Variants in CD44 observed in about 807,000 individuals in gnomAD.
CD44 encodes CD44 molecule (IN blood group).
In CD44, 49 loss-of-function variants were observed where a neutral mutation model predicts 88.8. The observed-to-expected ratio is 0.55, with a 90% CI of 0.44 to 0.70. The LOEUF (loss-of-function observed/expected upper bound fraction) is 0.70. Ranked by LOEUF, CD44 falls within the 30% of genes least tolerant of loss-of-function variation. CD44 has a pLI of 0.00. For missense variants in CD44, 883 were observed against 913.8 expected, an observed-to-expected ratio of 0.97 and a Z score of 0.43; for synonymous variants, 325 against 312.3, an observed-to-expected ratio of 1.04 and a Z score of -0.43.
intron 15 of CD44, among the ~76,000 whole-genome samples, chr11:35,218,775 T>A (rs977682779): frequency 6.6e-6 from 1 of 152,176 alleles, no homozygotes; most frequent in Admixed American, 6.5e-5. Context: ...ATTCTGCATT[T>A]CTAGCGATCT....
At chr11:35,197,866 G>A (rs1946918357) in intron 6 of CD44, 1 of 398,166 alleles carries the variant, frequency 2.5e-6, no homozygotes, top group African/African-American at 2.0e-5. Flanking sequence ...CTTATATGGT[G>A]AGATTATGTC....
chr11:35,226,408 G>A (rs1000741250), intron 17 of CD44, among the ~76,000 whole-genome samples: 1 of 152,182 alleles, frequency 6.6e-6, no homozygotes, highest in African/African-American at 2.4e-5. Context: ...AGAACACAGG[G>A]GCCAGGGAAT....
intron 17 of CD44, among the ~76,000 whole-genome samples, chr11:35,226,524 T>G (rs1380282332): frequency 2.0e-5 from 3 of 152,204 alleles, no homozygotes; most frequent in Non-Finnish European, 4.4e-5. Context: ...CAAAATTCAT[T>G]TCATATGGCT....
In CD44 at chr11:35,189,952, AAAG is replaced by A; in HGVS notation, c.555_557del (p.Arg186del). On this transcript the variant is annotated inframe_deletion, in exon 5 of 18. Transcript: ENST00000428726. Reference sequence around the variant, plus strand: ...GACGTGAGCAGCGGCTCCTCCAGTGAAAGGAGCAGCACTTCAGGAGGTTACATC... The same window carrying A: ...GACGTGAGCAGCGGCTCCTCCAGTGAGAGCAGCACTTCAGGAGGTTACATC... 6.2e-7 allele frequency: 1 copy of A among 1,614,042 alleles called. No individual in the cohort carries two copies. Among genetic ancestry groups the A allele is most frequent in the Non-Finnish European group, 8.5e-7 (1 of 1,179,882 alleles).
chr11:35,213,574 C>T (rs1948586825), intron 14 of CD44: 1 of 152,192 alleles, frequency 6.6e-6, no homozygotes, highest in Non-Finnish European at 1.5e-5. Context: ...ATCACTTGAA[C>T]CCAGGAATTG....
intron 17 of CD44, chr11:35,223,142 T>C (rs1949439438): frequency 1.0e-6 from 1 of 985,280 alleles, no homozygotes; most frequent in Non-Finnish European, 1.2e-6. Context: ...CCTGATTGTA[T>C]AAGGAACAAA....
chr11:35,213,211 C>T (rs1012980337), intron 14 of CD44, among the ~76,000 whole-genome samples: 2 of 152,188 alleles, frequency 1.3e-5, no homozygotes, highest in Non-Finnish European at 2.9e-5. Context: ...ATGCTTTTTA[C>T]AAGACTGATA....
chr11:35,190,843 G>A (rs1243251741), intron 5 of CD44, among the ~76,000 whole-genome samples: 1 of 152,224 alleles, frequency 6.6e-6, no homozygotes, highest in African/African-American at 2.4e-5. Flanking sequence ...CTTACTTGGT[G>A]TGTGGGGGTA....
At chr11:35,180,881 TA>T (rs1465972982) in intron 3 of CD44, among the ~76,000 whole-genome samples, 1 of 152,126 alleles carries the variant, frequency 6.6e-6, no homozygotes, top group Non-Finnish European at 1.5e-5. Context: ...AAAAGTGCTA[TA>T]AAAAAGAAAG....
At chr11:35,173,275 G>T (rs1944105517) in intron 1 of CD44, among the ~76,000 whole-genome samples, 1 of 152,214 alleles carries the variant, frequency 6.6e-6, no homozygotes, top group Non-Finnish European at 1.5e-5. Flanking sequence ...TGATAGGAAT[G>T]CTTTGTTTTT....
chr11:35,228,152 A>C (rs1949838381), intron 17 of CD44, among the ~76,000 whole-genome samples: 1 of 152,220 alleles, frequency 6.6e-6, no homozygotes, highest in Admixed American at 6.5e-5. Context: ...GCATTGCATT[A>C]GGCTGGGTGG....
At chr11:35,165,046 G>T (rs145854928) in intron 1 of CD44, among the ~76,000 whole-genome samples, 1 of 152,152 alleles carries the variant, frequency 6.6e-6, no homozygotes, top group African/African-American at 2.4e-5. Context: ...GGGCTTTGTG[G>T]TGGGTGCCAG....
intron 6 of CD44, 83 bp from the exon 7 acceptor site, chr11:35,198,038 A>T: frequency 6.8e-7 from 1 of 1,464,568 alleles, no homozygotes. Flanking sequence ...GAAATCCATT[A>T]TACCTTCTGT....
At chr11:35,169,760 T>C (rs1943674883) in intron 1 of CD44, among the ~76,000 whole-genome samples, 1 of 152,234 alleles carries the variant, frequency 6.6e-6, no homozygotes, top group Non-Finnish European at 1.5e-5. Flanking sequence ...AGATCTATTT[T>C]CCTTGATCTG....
At chr11:35,186,743 A>G (rs1945718321) in intron 3 of CD44, 89 bp from the exon 4 acceptor site, 3 of 781,142 alleles carry the variant, frequency 3.8e-6, no homozygotes. Context: ...AAGTTATAGT[A>G]AAACTCCATT....
At chr11:35,148,260 A>G (rs896795446) in intron 1 of CD44, among the ~76,000 whole-genome samples, 1 of 152,198 alleles carries the variant, frequency 6.6e-6, no homozygotes, top group Non-Finnish European at 1.5e-5. Context: ...TCTGCTGAGT[A>G]TCCAGTCAAA....
At position 35,229,357 on chromosome 11, in the gene CD44, G is replaced by C. The variant is rs776791739; in HGVS notation, c.*24G>C. 6 of 1,490,734 alleles carry C rather than the reference G, an allele frequency of 4.0e-6. No homozygotes were observed. The Admixed American group carries it at 1.0e-4, about 25-fold the overall frequency. The allele number at this position is 1,490,734 out of a possible 1,614,324, so 92.3% of individuals were successfully genotyped here. A position where few individuals can be genotyped will look rare whatever the true frequency, so the allele number is the denominator to read the frequency against. ...AACACCTACACCATTATCTTGGAAA[G>C]AAACAACCGTTGGAAACATAACCAT... On this transcript the variant is annotated 3_prime_UTR_variant, in exon 18 of 18. Coordinates refer to ENST00000428726, the MANE Select transcript of CD44 (RefSeq NM_000610.4).
At chr11:35,167,123 C>A (rs555251983) in intron 1 of CD44, among the ~76,000 whole-genome samples, 2 of 152,184 alleles carry the variant, frequency 1.3e-5, no homozygotes, top group African/African-American at 2.4e-5. Context: ...ATGACTTCTT[C>A]GTGTCCTATT....
chr11:35,219,811 C>A (rs1046580134), intron 16 of CD44, among the ~76,000 whole-genome samples: 2 of 152,194 alleles, frequency 1.3e-5, no homozygotes, highest in Admixed American at 1.3e-4. Flanking sequence ...GGAGGAGCTA[C>A]AAGAGGCATT....
Sources: allele counts gnomAD v4.1 joint callset (sites outside exome capture counted in the v4.1 genomes callset), GRCh38; gene constraint gnomAD v4.1.1; transcripts MANE v1.5; gene names NCBI Gene and HGNC (gene_info 2026-07-23, HGNC 2026-07-21).